FAP: variants seen among roughly 807,000 people sequenced by gnomAD.
The protein encoded by FAP is fibroblast activation protein alpha.
In FAP, 110 loss-of-function variants were observed where a neutral mutation model predicts 126.5. The ratio of observed to expected loss-of-function variants is 0.87; its 90% confidence interval spans 0.74 to 1.02. The LOEUF is 1.02. Ranked by LOEUF, FAP falls within the 50% of genes least tolerant of loss-of-function variation. FAP has a pLI of 0.00. For synonymous variants in FAP, 334 were observed against 297.3 expected (o/e 1.12, Z -1.27); for missense variants, 919 against 909.2 (o/e 1.01, Z -0.14).
intron 2 of FAP, among the ~76,000 whole-genome samples, chr2:162,230,159 T>C (rs1212743812): frequency 6.6e-6 from 1 of 152,154 alleles, no homozygotes; most frequent in African/African-American, 2.4e-5. Context: ...TCAGAGAAAT[T>C]CAAATTAAGC....
At chr2:162,178,863 T>G (rs1037085491) in intron 21 of FAP, among the ~76,000 whole-genome samples, 2 of 152,216 alleles carry the variant, frequency 1.3e-5, no homozygotes, top group Non-Finnish European at 2.9e-5. Flanking sequence ...GTAAACCTCA[T>G]GGTAATTTTC....
chr2:162,201,403 A>C (rs1688494483), intron 14 of FAP, among the ~76,000 whole-genome samples: 1 of 152,228 alleles, frequency 6.6e-6, no homozygotes, highest in African/African-American at 2.4e-5. Flanking sequence ...TTTTAGCACG[A>C]AATTTATTTC....
chr2:162,229,801 A>G (rs1021696598), intron 2 of FAP, among the ~76,000 whole-genome samples: 1 of 152,166 alleles, frequency 6.6e-6, no homozygotes, highest in Non-Finnish European at 1.5e-5. Flanking sequence ...TTAATTTTAT[A>G]TGAGTGCATA....
At chr2:162,172,961 G>C in intron 24 of FAP, 77 bp from the exon 25 acceptor site, 1 of 1,223,218 alleles carries the variant, frequency 8.2e-7, no homozygotes, top group Non-Finnish European at 1.2e-6. Context: ...GCCTGGAAAT[G>C]AACACCAACA....
chr2:162,221,839 A>G (rs930998883), intron 6 of FAP: 1 of 426,146 alleles, frequency 2.3e-6, no homozygotes, highest in African/African-American at 2.1e-5. Flanking sequence ...CTAGATTTTT[A>G]TAGAGTCTTC....
At chr2:162,208,112 T>C (rs1019809701) in intron 12 of FAP, among the ~76,000 whole-genome samples, 3 of 151,424 alleles carry the variant, frequency 2.0e-5, no homozygotes, top group Non-Finnish European at 4.4e-5. Context: ...AAAAATTAGC[T>C]GGGCGTGATG....
chr2:162,198,190 A>G, intron 16 of FAP: 1 of 1,288,290 alleles, frequency 7.8e-7, no homozygotes, highest in Non-Finnish European at 1.0e-6. Context: ...ATGTTTTCCA[A>G]ATTTAGAAAG....
Position 162,225,469 on chromosome 2 carries a change from T to A in FAP, c.285+14A>T. 2.5e-6 allele frequency: 4 copies of A among 1,592,482 alleles called. No individual in the cohort carries two copies. The South Asian group carries it at 4.5e-5, about 18-fold the overall frequency. The stretch of plus-strand genomic sequence containing the variant: ...CAAAGGTTTCTGAGGGGGAAGATGA[T>A]GTTGGATACATACCATGGTTCTATT... On this transcript the variant is annotated intron_variant, in intron 4 of 25. Transcript: ENST00000188790.
intron 9 of FAP, among the ~76,000 whole-genome samples, chr2:162,217,031 C>G (rs1034772927): frequency 6.6e-6 from 1 of 152,228 alleles, no homozygotes; most frequent in Non-Finnish European, 1.5e-5. Flanking sequence ...AAATGTGAGG[C>G]CTGTCCCAAA....
At chr2:162,196,918 C>T (rs762581672) in intron 16 of FAP, among the ~76,000 whole-genome samples, 26 of 152,080 alleles carry the variant, frequency 1.7e-4, no homozygotes, top group Non-Finnish European at 3.4e-4. Context: ...AAAAGTCAGG[C>T]GATTCAAGTT....
intron 11 of FAP, among the ~76,000 whole-genome samples, chr2:162,211,928 C>T (rs1014096969): frequency 6.6e-6 from 1 of 152,146 alleles, no homozygotes. Flanking sequence ...CACACACACA[C>T]ATCAGTCATG....
chr2:162,208,099 T>C (rs1007957412), intron 12 of FAP, among the ~76,000 whole-genome samples: 3 of 151,542 alleles, frequency 2.0e-5, no homozygotes, highest in Admixed American at 2.0e-4. Flanking sequence ...CTATTAAAAA[T>C]ACAAAAATTA....
At chr2:162,178,965 C>T (rs1329634442) in intron 21 of FAP, among the ~76,000 whole-genome samples, 1 of 152,156 alleles carries the variant, frequency 6.6e-6, no homozygotes, top group Non-Finnish European at 1.5e-5. Context: ...CTTCCAACTG[C>T]TACTTCACTG....
rs781572321 is a variant in FAP at position 162,194,379 on chromosome 2, C to T, written c.1450+322G>A. On this transcript the variant is annotated intron_variant, in intron 17 of 25. Coordinates refer to ENST00000188790, the MANE Select transcript of FAP (RefSeq NM_004460.5). ...AGGGATTCTATTTTGGAAGGAAGATCGTACTGAATGTGCTAAGTTTTTTCC... is the reference window on the plus strand; with the variant it reads ...AGGGATTCTATTTTGGAAGGAAGATTGTACTGAATGTGCTAAGTTTTTTCC... Among the ~76,000 whole-genome samples the T allele has an allele frequency of 4.0e-5, 6 of 150,384 alleles. No individual in the cohort carries two copies. In the East Asian group the frequency reaches 1.2e-3, roughly 29 times the overall value.
chr2:162,209,683 A>T (rs1688849482), intron 12 of FAP: 3 of 382,162 alleles, frequency 7.9e-6, no homozygotes, highest in South Asian at 9.5e-5. Context: ...TTTAAAAAGT[A>T]ATATTAGTTA....
At position 162,194,681 on chromosome 2, in the gene FAP, T is replaced by C. The variant is rs758529172; in HGVS notation, c.1450+20A>G. 5.6e-6 allele frequency: 9 copies of C among 1,611,084 alleles called. No homozygotes were observed. In the East Asian group the frequency reaches 8.9e-5, roughly 16 times the overall value. On this transcript the variant is annotated intron_variant, in intron 17 of 25. Transcript: ENST00000188790. Reference sequence around the variant, plus strand: ...TCAGGATTACTTGAGACAAGATAGATAACATGCAAGAGAGAGTACCTTGAT... The same window carrying C: ...TCAGGATTACTTGAGACAAGATAGACAACATGCAAGAGAGAGTACCTTGAT...
rs879176992 is a variant in FAP, at chr2:162,194,550, C to T, written c.1450+151G>A. On this transcript the variant is annotated intron_variant, in intron 17 of 25. Coordinates refer to ENST00000188790, the MANE Select transcript of FAP (RefSeq NM_004460.5). ...GATCATATTTGACCCAAATAATATCCAAATCTGTGCAATAATAAGTGATGT... is the reference window on the plus strand; with the variant it reads ...GATCATATTTGACCCAAATAATATCTAAATCTGTGCAATAATAAGTGATGT... The T allele has an allele frequency of 2.3e-5, 15 of 659,790 alleles. No homozygotes were observed. The South Asian group carries it at 2.6e-4, about 11-fold the overall frequency. 40.9% of individuals were successfully genotyped at this position (659,790 alleles called of 1,614,324 possible). A position where few individuals can be genotyped will look rare whatever the true frequency, so the allele number is the denominator to read the frequency against.
At chr2:162,192,810 C>T (rs1396845637) in intron 17 of FAP, among the ~76,000 whole-genome samples, 2 of 152,156 alleles carry the variant, frequency 1.3e-5, no homozygotes, top group Non-Finnish European at 2.9e-5. Context: ...TCAAGCCAAT[C>T]ATCCAAATAG....
intron 20 of FAP, among the ~76,000 whole-genome samples, chr2:162,184,300 C>G (rs757639707): frequency 2.0e-5 from 3 of 152,164 alleles, no homozygotes; most frequent in Non-Finnish European, 2.9e-5. Context: ...CCGTATGCAA[C>G]AGTGACAGGA....
Sources: gnomAD v4.1 joint callset for allele counts (sites outside exome capture counted in the v4.1 genomes callset) on GRCh38, gnomAD v4.1.1 for gene constraint, MANE v1.5 for transcripts, NCBI Gene and HGNC (gene_info 2026-07-23, HGNC 2026-07-21) for gene names.